STX8: variants seen among roughly 807,000 people sequenced by gnomAD.
STX8 encodes the protein syntaxin 8, also known as syntaxin-8.
A neutral mutation model predicts 37.5 loss-of-function variants in STX8; 23 were observed. The observed-to-expected ratio is 0.61, with a 90% CI of 0.44 to 0.87. The LOEUF (loss-of-function observed/expected upper bound fraction) is 0.87, where lower values mean the gene tolerates loss of function less well. Ranked by LOEUF, STX8 falls within the 40% of genes least tolerant of loss-of-function variation. The pLI is 0.00. For synonymous variants in STX8, 115 were observed against 99.1 expected, an observed-to-expected ratio of 1.16 and a Z score of -0.95; for missense variants, 313 against 284.7, an observed-to-expected ratio of 1.10 and a Z score of -0.71.
At chr17:9,445,635 C>T (rs1467228657) in intron 6 of STX8, among the ~76,000 whole-genome samples, 3 of 151,854 alleles carry the variant, frequency 2.0e-5, no homozygotes, top group African/African-American at 7.3e-5. Flanking sequence ...ACAGATCAAG[C>T]AGGTACCGTG....
rs1438265341 is a variant in STX8 at position 9,532,846 on chromosome 17, C to T, written c.323+12326G>A. ...GGCTGGTATCAGACCATTAGTTAAG[C>T]GTATTACCCTAAACATTCTGCTTCA... is the stretch of plus-strand genomic sequence containing the variant. On this transcript the variant is annotated intron_variant, in intron 4 of 7. Coordinates refer to ENST00000306357, the MANE Select transcript of STX8 (RefSeq NM_004853.3). Among the ~76,000 whole-genome samples, 4 of 152,038 alleles carry T rather than the reference C, an allele frequency of 2.6e-5. No homozygotes were observed. The East Asian group carries it at 5.8e-4, about 22-fold the overall frequency.
chr17:9,509,984 C>A (rs80054992), intron 4 of STX8, among the ~76,000 whole-genome samples: 3,681 of 152,118 alleles, frequency 0.024, 151 homozygotes, highest in African/African-American at 0.084. Flanking sequence ...AGTAGCTGTA[C>A]TTATATCAGA....
At chr17:9,309,620 T>G (rs754953851) in intron 7 of STX8, among the ~76,000 whole-genome samples, 37 of 152,126 alleles carry the variant, frequency 2.4e-4, no homozygotes, top group Non-Finnish European at 8.8e-5. Flanking sequence ...AGAACCTCCT[T>G]TAGAAGCAAT....
intron 6 of STX8, among the ~76,000 whole-genome samples, chr17:9,455,963 A>G (rs902435871): frequency 6.6e-6 from 1 of 152,172 alleles, no homozygotes; most frequent in African/African-American, 2.4e-5. Flanking sequence ...TGCAGTGTAC[A>G]GCTCATCCTC....
In STX8 at chr17:9,365,514, G is replaced by T. The variant is rs1312639273; in HGVS notation, c.643+13038C>A. On this transcript the variant is annotated intron_variant, in intron 7 of 7. Coordinates refer to ENST00000306357, the MANE Select transcript of STX8 (RefSeq NM_004853.3). ...GCAGGCAATCAAGAGAAACTAGCTA[G>T]CTGGTAGCTAATGAAGACACAGACT... 3.3e-5 allele frequency among the ~76,000 whole-genome samples: 5 copies of T among 152,262 alleles called. No individual in the cohort carries two copies. In the South Asian group the frequency reaches 8.3e-4, roughly 25 times the overall value.
chr17:9,369,183 T>C (rs1253823524), intron 7 of STX8, among the ~76,000 whole-genome samples: 2 of 152,110 alleles, frequency 1.3e-5, no homozygotes, highest in African/African-American at 2.4e-5. Flanking sequence ...AACAGATGAA[T>C]GGGAAAACTT....
At chr17:9,533,466 A>C (rs1286875171) in intron 4 of STX8, among the ~76,000 whole-genome samples, 3 of 152,162 alleles carry the variant, frequency 2.0e-5, no homozygotes, top group Non-Finnish European at 4.4e-5. Flanking sequence ...CTCCATCTCG[A>C]AACAAAACAA....
At chr17:9,545,095 C>T (rs918851851) in intron 4 of STX8, 77 bp downstream of exon 4, 21 of 831,250 alleles carry the variant, frequency 2.5e-5, no homozygotes, top group Middle Eastern at 2.3e-4. Flanking sequence ...CTAAAGTAAG[C>T]CATTCAGGAA....
chr17:9,486,825 C>A (rs1433891784), intron 6 of STX8, among the ~76,000 whole-genome samples: 1 of 152,166 alleles, frequency 6.6e-6, no homozygotes, highest in African/African-American at 2.4e-5. Flanking sequence ...TGCCACTACA[C>A]TCCAGCTTGG....
intron 7 of STX8, among the ~76,000 whole-genome samples, chr17:9,307,080 T>C (rs1909023172): frequency 6.6e-6 from 1 of 152,074 alleles, no homozygotes; most frequent in African/African-American, 2.4e-5. Flanking sequence ...GCTGAGATCC[T>C]GCCACTGCAC....
intron 6 of STX8, among the ~76,000 whole-genome samples, chr17:9,453,531 T>C (rs1905105772): frequency 6.9e-6 from 1 of 145,434 alleles, no homozygotes; most frequent in Non-Finnish European, 1.5e-5. Flanking sequence ...CTCACTCTGT[T>C]GCCCAGGCTG....
chr17:9,300,130 G>A (rs1597591577), intron 7 of STX8, among the ~76,000 whole-genome samples: 2 of 152,122 alleles, frequency 1.3e-5, no homozygotes, highest in Non-Finnish European at 1.5e-5. Flanking sequence ...TTGGGGGTTC[G>A]AGACCAGCCT....
intron 6 of STX8, among the ~76,000 whole-genome samples, chr17:9,452,666 T>C (rs1448671158): frequency 1.3e-5 from 2 of 152,152 alleles, no homozygotes; most frequent in Admixed American, 6.5e-5. Context: ...GGCGAGCACC[T>C]GAAACCCTTG....
chr17:9,415,315 T>C (rs1913147236), intron 6 of STX8, among the ~76,000 whole-genome samples: 1 of 152,112 alleles, frequency 6.6e-6, no homozygotes, highest in African/African-American at 2.4e-5. Context: ...ATCCTTCACT[T>C]GATGTTGACG....
chr17:9,423,210 T>C (rs1253144172), intron 6 of STX8, among the ~76,000 whole-genome samples: 2 of 152,260 alleles, frequency 1.3e-5, no homozygotes, highest in African/African-American at 4.8e-5. Context: ...ATGCATTTCC[T>C]TATTAGCACT....
At chr17:9,258,532 C>T (rs925962597) in intron 7 of STX8, among the ~76,000 whole-genome samples, 9 of 152,240 alleles carry the variant, frequency 5.9e-5, no homozygotes, top group East Asian at 5.8e-4. Context: ...TGCTCAGCTG[C>T]GCCAGGGGAA....
intron 7 of STX8, among the ~76,000 whole-genome samples, chr17:9,262,342 G>GGGATTTT (rs1343319753): frequency 6.6e-6 from 1 of 152,136 alleles, no homozygotes; most frequent in African/African-American, 2.4e-5. Flanking sequence ...CTCTTCTCCA[G>GGGATTTT]GGATTTTGGA....
chr17:9,342,124 A>T (rs966460427), intron 7 of STX8, among the ~76,000 whole-genome samples: 1 of 152,120 alleles, frequency 6.6e-6, no homozygotes, highest in Non-Finnish European at 1.5e-5. Flanking sequence ...GTCTCATAAG[A>T]AGCACACAAC....
intron 6 of STX8, among the ~76,000 whole-genome samples, chr17:9,410,015 G>A (rs1319307137): frequency 6.6e-6 from 1 of 152,162 alleles, no homozygotes; most frequent in African/African-American, 2.4e-5. Flanking sequence ...GATTGGGGGT[G>A]GGGGAGGGAG....
Sources: gnomAD v4.1 joint callset for allele counts (sites outside exome capture counted in the v4.1 genomes callset) on GRCh38, gnomAD v4.1.1 for gene constraint, MANE v1.5 for transcripts, NCBI Gene and HGNC (gene_info 2026-07-23, HGNC 2026-07-21) for gene names.